LUZP2: variants seen among roughly 807,000 people sequenced by gnomAD.
The protein encoded by LUZP2 is leucine zipper protein 2.
Under a neutral mutation model 51.6 loss-of-function variants are expected in LUZP2, and 52 were observed. That is an observed-to-expected ratio of 1.01 (90% CI 0.81 to 1.27). The LOEUF (loss-of-function observed/expected upper bound fraction) is 1.27. Ranked by LOEUF, LUZP2 falls within the 50% of genes most tolerant of loss-of-function variation. LUZP2 has a pLI of 0.00. For missense variants in LUZP2, 436 were observed against 395.4 expected, an observed-to-expected ratio of 1.10 and a Z score of -0.87; for synonymous variants, 154 against 137.3, an observed-to-expected ratio of 1.12 and a Z score of -0.85.
At chr11:24,672,177 T>C (rs6484065) in intron 1 of LUZP2, among the ~76,000 whole-genome samples, 134,813 of 152,064 alleles carry the variant, frequency 0.89, 60,139 homozygotes, top group East Asian at 1. Flanking sequence ...TGGAATTGTG[T>C]TATGATCTCA....
intron 9 of LUZP2, among the ~76,000 whole-genome samples, chr11:25,023,256 C>T (rs531548860): frequency 2.9e-4 from 44 of 152,124 alleles, no homozygotes; most frequent in African/African-American, 6.7e-4. Context: ...TGGTAGAATT[C>T]GGCTGTGAAT....
At chr11:24,535,632 T>C (rs1485487320) in intron 1 of LUZP2, among the ~76,000 whole-genome samples, 1 of 151,468 alleles carries the variant, frequency 6.6e-6, no homozygotes, top group Non-Finnish European at 1.5e-5. Flanking sequence ...CCACTTCTAA[T>C]TTTATTTTTC....
At chr11:24,774,381 T>TATATATACACAC (rs1184772523) in intron 5 of LUZP2, among the ~76,000 whole-genome samples, 1 of 93,976 alleles carries the variant, frequency 1.1e-5, no homozygotes, top group South Asian at 3.6e-4. Flanking sequence ...TATATATATA[T>TATATATACACAC]ACATACACAC....
At chr11:24,826,963 A>C (rs1486725) in intron 5 of LUZP2, among the ~76,000 whole-genome samples, 1 of 151,962 alleles carries the variant, frequency 6.6e-6, no homozygotes, top group East Asian at 1.9e-4. Flanking sequence ...ACATCTGGAC[A>C]TAAAAAACCT....
intron 9 of LUZP2, among the ~76,000 whole-genome samples, chr11:24,987,580 G>T (rs999073528): frequency 2.6e-5 from 4 of 151,866 alleles, no homozygotes; most frequent in African/African-American, 9.7e-5. Context: ...GGTCACAACT[G>T]TGGTATCTAC....
chr11:24,706,336 G>A (rs1857582331), intron 1 of LUZP2, among the ~76,000 whole-genome samples: 2 of 152,078 alleles, frequency 1.3e-5, no homozygotes, highest in African/African-American at 4.8e-5. Flanking sequence ...TATGTGGGAG[G>A]TGACAAAACC....
intron 5 of LUZP2, among the ~76,000 whole-genome samples, chr11:24,765,906 G>A (rs532358858): frequency 2.6e-5 from 4 of 151,998 alleles, no homozygotes; most frequent in African/African-American, 7.2e-5. Flanking sequence ...GATTACAGGC[G>A]TGAGCTACCG....
intron 5 of LUZP2, among the ~76,000 whole-genome samples, chr11:24,764,489 C>CAAAAAAAAAAAAAAAAAAAAA (rs1565124723): frequency 7.1e-5 from 4 of 56,418 alleles, no homozygotes; most frequent in East Asian, 4.5e-4. Context: ...AATCTCATCT[C>CAAAAAAAAAAAAAAAAAAAAA]TAAAAAAAAA....
chr11:24,527,779 C>T (rs1287691773), intron 1 of LUZP2, among the ~76,000 whole-genome samples: 1 of 151,494 alleles, frequency 6.6e-6, no homozygotes, highest in African/African-American at 2.4e-5. Context: ...TCTGGGCTAT[C>T]GTCTCATTTT....
At chr11:24,586,701 G>C (rs1370591281) in intron 1 of LUZP2, among the ~76,000 whole-genome samples, 1 of 152,070 alleles carries the variant, frequency 6.6e-6, no homozygotes, top group Non-Finnish European at 1.5e-5. Context: ...AATGGTACAA[G>C]CAAGATGCCT....
intron 10 of LUZP2, among the ~76,000 whole-genome samples, chr11:25,061,284 A>G (rs1858828447): frequency 6.6e-6 from 1 of 152,164 alleles, no homozygotes. Flanking sequence ...TCTTAGCTAC[A>G]TACTTTTGTT....
intron 1 of LUZP2, among the ~76,000 whole-genome samples, chr11:24,714,826 C>A (rs138418780): frequency 3.3e-4 from 50 of 152,264 alleles, no homozygotes; most frequent in African/African-American, 1.2e-3. Context: ...GAGGCATCAC[C>A]TTCTGTGCAC....
intron 5 of LUZP2, among the ~76,000 whole-genome samples, chr11:24,844,938 G>A (rs543590805): frequency 3.3e-5 from 5 of 152,292 alleles, no homozygotes; most frequent in South Asian, 2.1e-4. Flanking sequence ...CTGCAGGGAT[G>A]GGGCCCTCAT....
intron 5 of LUZP2, among the ~76,000 whole-genome samples, chr11:24,896,198 G>A (rs1853041055): frequency 6.6e-6 from 1 of 152,232 alleles, no homozygotes; most frequent in Non-Finnish European, 1.5e-5. Flanking sequence ...CGCTCGAGGA[G>A]CCCTTCAGTC....
chr11:24,893,418 AC>A (rs1202520895), intron 5 of LUZP2: 1 of 152,150 alleles, frequency 6.6e-6, no homozygotes, highest in Non-Finnish European at 1.5e-5. Flanking sequence ...ATTTCTATAC[AC>A]ATGCACACAT....
In LUZP2 at chr11:24,738,332, C is replaced by T. The variant is rs770091232; in HGVS notation, c.333+30C>T. 3.3e-6 allele frequency: 5 copies of T among 1,518,068 alleles called. No individual in the cohort carries two copies. In the Admixed American group the frequency reaches 6.8e-5, roughly 21 times the overall value. 94.0% of individuals were successfully genotyped at this position (1,518,068 alleles called of 1,614,324 possible). ...GTGTGTTTCTTCTTTGTGCCTTTTG[C>T]TTTTGGGCTGGGACATTGTTACTTT... is the stretch of plus-strand genomic sequence containing the variant. On this transcript the variant is annotated intron_variant, in intron 4 of 11. Transcript: ENST00000336930.
chr11:24,586,108 C>A (rs748338214), intron 1 of LUZP2, among the ~76,000 whole-genome samples: 1 of 151,950 alleles, frequency 6.6e-6, no homozygotes. Flanking sequence ...GAGGCCAAAC[C>A]ACAGAGAATT....
Position 24,541,114 on chromosome 11 carries a change from G to A in LUZP2, c.62+43809G>A, listed in dbSNP as rs533751464. Among the ~76,000 whole-genome samples the A allele has an allele frequency of 5.9e-5, 9 of 151,844 alleles. No homozygotes were observed. The South Asian group carries it at 1.5e-3, about 25-fold the overall frequency. On this transcript the variant is annotated intron_variant, in intron 1 of 11. Coordinates refer to ENST00000336930, the MANE Select transcript of LUZP2 (RefSeq NM_001009909.4). Reference sequence around the variant, plus strand: ...CTAAAAATACAAAAATTAGCCGGGCGTGGTGGTGGGCGCCTGTAATCCCAG... The same window carrying A: ...CTAAAAATACAAAAATTAGCCGGGCATGGTGGTGGGCGCCTGTAATCCCAG...
At chr11:24,508,777 T>A (rs1267227740) in intron 1 of LUZP2, among the ~76,000 whole-genome samples, 2 of 152,192 alleles carry the variant, frequency 1.3e-5, no homozygotes, top group Non-Finnish European at 2.9e-5. Context: ...TGTCTAAGGT[T>A]ACTTTATTTA....
Sources: allele counts gnomAD v4.1 joint callset (sites outside exome capture counted in the v4.1 genomes callset), GRCh38; gene constraint gnomAD v4.1.1; transcripts MANE v1.5; gene names NCBI Gene and HGNC (gene_info 2026-07-23, HGNC 2026-07-21).